Variants in PPARGC1B observed in about 807,000 individuals in gnomAD.
The protein encoded by PPARGC1B is peroxisome proliferator-activated receptor gamma coactivator 1-beta.
PPARGC1B carries 34 observed loss-of-function variants against 101.6 expected under a neutral mutation model. The ratio of observed to expected loss-of-function variants is 0.33; its 90% CI spans 0.25 to 0.45. The LOEUF (loss-of-function observed/expected upper bound fraction) is 0.45, where lower values mean the gene tolerates loss of function less well. PPARGC1B is among the 20% of genes least tolerant of loss of function. The pLI, the probability that PPARGC1B is intolerant of heterozygous loss-of-function variation, is 1.00. For missense variants in PPARGC1B, 1,234 were observed against 1,317.6 expected (o/e 0.94, Z 0.98); for synonymous variants, 548 against 539.3 (o/e 1.02, Z -0.22).
At chr5:149,735,188 A>G (rs531590427) in intron 1 of PPARGC1B, among the ~76,000 whole-genome samples, 2 of 152,332 alleles carry the variant, frequency 1.3e-5, no homozygotes, top group East Asian at 1.9e-4. Context: ...CATGTTCACC[A>G]GAGACCTGGG....
At chr5:149,772,475 A>G (rs1262304935) in intron 1 of PPARGC1B, among the ~76,000 whole-genome samples, 1 of 152,164 alleles carries the variant, frequency 6.6e-6, no homozygotes, top group Non-Finnish European at 1.5e-5. Flanking sequence ...TGGGTGACTT[A>G]CACCAGAGAA....
intron 1 of PPARGC1B, among the ~76,000 whole-genome samples, chr5:149,751,434 G>A (rs959927269): frequency 5.9e-5 from 9 of 152,094 alleles, no homozygotes; most frequent in Non-Finnish European, 1.2e-4. Context: ...GGCCGGGCAC[G>A]CTGGCTCATG....
At chr5:149,751,937 A>G (rs1029839666) in intron 1 of PPARGC1B, among the ~76,000 whole-genome samples, 5 of 152,190 alleles carry the variant, frequency 3.3e-5, no homozygotes, top group Admixed American at 6.5e-5. Context: ...CTCCTCCTTT[A>G]TAAAATGGGA....
intron 1 of PPARGC1B, among the ~76,000 whole-genome samples, chr5:149,764,038 G>C (rs1014011508): frequency 6.6e-6 from 1 of 152,144 alleles, no homozygotes; most frequent in Non-Finnish European, 1.5e-5. Context: ...TAAAGAGTAT[G>C]GACTCTCTTA....
In PPARGC1B at chr5:149,802,240, C is replaced by T. The variant is rs112318166; in HGVS notation, c.79-18193C>T. Among the ~76,000 whole-genome samples the T allele has an allele frequency of 6.6e-5, 10 of 152,312 alleles. 1 individual carries two copies. The highest frequency in any genetic ancestry group is 2.2e-4 in the African/African-American group (9 of 41,564). Reference sequence around the variant, plus strand: ...TGGTCTGGAAGAGCATTGTCCTACACGGTCTGAAAGGACACAGCCATGTGG... The same window carrying T: ...TGGTCTGGAAGAGCATTGTCCTACATGGTCTGAAAGGACACAGCCATGTGG... On this transcript the variant is annotated intron_variant, in intron 1 of 11. Transcript: ENST00000309241.
At chr5:149,782,046 T>G (rs552827148) in intron 1 of PPARGC1B, among the ~76,000 whole-genome samples, 159 of 151,908 alleles carry the variant, frequency 1.0e-3, no homozygotes, top group Admixed American at 2.0e-3. Flanking sequence ...TTAATTTAGA[T>G]GGGGATGGCT....
chr5:149,742,257 G>C (rs543989698), intron 1 of PPARGC1B, among the ~76,000 whole-genome samples: 1 of 152,128 alleles, frequency 6.6e-6, no homozygotes, highest in Non-Finnish European at 1.5e-5. Flanking sequence ...TGGGGGCCCC[G>C]CCATGAAGTG....
At chr5:149,750,598 C>T (rs1053033101) in intron 1 of PPARGC1B, among the ~76,000 whole-genome samples, 4 of 151,736 alleles carry the variant, frequency 2.6e-5, no homozygotes, top group African/African-American at 9.7e-5. Flanking sequence ...GGGCCCCAGC[C>T]CCTGGTGTCT....
At chr5:149,815,949 T>C (rs1758036800) in intron 1 of PPARGC1B, among the ~76,000 whole-genome samples, 1 of 152,166 alleles carries the variant, frequency 6.6e-6, no homozygotes, top group Admixed American at 6.5e-5. Context: ...GCACTTAGCA[T>C]GGGCCTTGGC....
At chr5:149,774,307 A>G (rs1290696975) in intron 1 of PPARGC1B, among the ~76,000 whole-genome samples, 7 of 152,160 alleles carry the variant, frequency 4.6e-5, no homozygotes, top group Admixed American at 1.3e-4. Context: ...TGTTGCTGCT[A>G]CTGACTGTGT....
At chr5:149,841,239 C>T (rs1482212391) in intron 9 of PPARGC1B, among the ~76,000 whole-genome samples, 8 of 152,100 alleles carry the variant, frequency 5.3e-5, no homozygotes, top group African/African-American at 1.9e-4. Flanking sequence ...GAGCTGGGCC[C>T]TGATTGATGA....
intron 1 of PPARGC1B, among the ~76,000 whole-genome samples, chr5:149,819,488 GTTTTTGTTTT>G (rs1188719361): frequency 5.1e-5 from 7 of 137,334 alleles, no homozygotes; most frequent in African/African-American, 1.7e-4. Flanking sequence ...TTGTTTGTTT[GTTTTTGTTTT>G]TTTTTGTTTG....
downstream of PPARGC1B, chr5:149,857,843 C>T (rs1438557020): frequency 1.3e-5 from 2 of 152,244 alleles, no homozygotes; most frequent in African/African-American, 2.4e-5. Flanking sequence ...AGAGAGATTA[C>T]AGTAGATGAG....
At chr5:149,748,525 C>T (rs1328940204) in intron 1 of PPARGC1B, among the ~76,000 whole-genome samples, 1 of 152,162 alleles carries the variant, frequency 6.6e-6, no homozygotes, top group African/African-American at 2.4e-5. Context: ...CAGATTTGAG[C>T]AAGCCTTGCT....
chr5:149,767,406 T>A (rs1329970858), intron 1 of PPARGC1B, among the ~76,000 whole-genome samples: 1 of 152,198 alleles, frequency 6.6e-6, no homozygotes, highest in Non-Finnish European at 1.5e-5. Flanking sequence ...AGAGCCTTCT[T>A]CCTGATTTTT....
At chr5:149,782,105 A>AT (rs1433190072) in intron 1 of PPARGC1B, among the ~76,000 whole-genome samples, 20 of 151,858 alleles carry the variant, frequency 1.3e-4, no homozygotes, top group African/African-American at 4.8e-4. Context: ...GAGAGGGGAG[A>AT]TTAAGAGAAG....
chr5:149,833,622 G>A lies in PPARGC1B; in HGVS notation c.1549G>A (p.Asp517Asn), dbSNP rs761685931. The A allele has an allele frequency of 6.8e-6, 11 of 1,609,198 alleles. No individual in the cohort carries two copies. Among genetic ancestry groups the A allele is most frequent in the Admixed American group, 1.7e-5 (1 of 59,468 alleles). Residue 517 changes from aspartate (D) to asparagine (N), a missense_variant, in exon 5 of 12, where the codon GAC becomes AAC. By Grantham distance (23) the Asp-to-Asn change is conservative. This residue lies in a region of PPARGC1B where 734 missense variants were observed against 768.4 expected (regional missense o/e 0.96). Coordinates refer to ENST00000309241, the MANE Select transcript of PPARGC1B (RefSeq NM_133263.4). The surrounding 1 kb of genome is among the most constrained non-coding windows in gnomAD (Gnocchi z 4.1). The stretch of plus-strand genomic sequence containing the variant: ...ACTGTGCCTGGCTCCCAAGGCCTAC[G>A]ACGTAGAGCGGGAGCTGGGCAGCCC... Reference protein sequence around the residue: ...PSLCLAPKAYDVERELGSPTD... With the variant: ...PSLCLAPKAYNVERELGSPTD...
At chr5:149,767,828 G>T (rs1246379884) in intron 1 of PPARGC1B, among the ~76,000 whole-genome samples, 2 of 151,676 alleles carry the variant, frequency 1.3e-5, no homozygotes, top group African/African-American at 4.9e-5. Flanking sequence ...CACAGATGGG[G>T]TTGGGGGTGG....
chr5:149,822,832 C>A (rs950743953), intron 2 of PPARGC1B, among the ~76,000 whole-genome samples: 5 of 152,134 alleles, frequency 3.3e-5, no homozygotes. Context: ...TAAACTGACC[C>A]ATTCCAAAAA....
Sources: gnomAD v4.1 joint callset for allele counts (sites outside exome capture counted in the v4.1 genomes callset) on GRCh38, gnomAD v4.1.1 for gene constraint, gnomAD v4.1.1 regional missense constraint, Gnocchi (gnomAD v3.1) non-coding constraint, MANE v1.5 for transcripts, NCBI Gene and HGNC (gene_info 2026-07-23, HGNC 2026-07-21) for gene names.